FRMD4B: variants seen among roughly 807,000 people sequenced by gnomAD.
The protein encoded by FRMD4B is FERM domain containing 4B, also known as FERM domain-containing protein 4B.
In FRMD4B, 74 loss-of-function variants were observed where a neutral mutation model predicts 141.5. That is an observed-to-expected ratio of 0.52 (90% CI 0.43 to 0.63). The LOEUF is 0.63. Ranked by LOEUF, FRMD4B falls within the 30% of genes least tolerant of loss-of-function variation. The pLI is 0.00. For synonymous variants in FRMD4B, 506 were observed against 467.9 expected (o/e 1.08, Z -1.05); for missense variants, 1,366 against 1,253.4 (o/e 1.09, Z -1.36).
intron 22 of FRMD4B, among the ~76,000 whole-genome samples, chr3:69,174,344 TA>T (rs1277139590): frequency 6.6e-6 from 1 of 152,096 alleles, no homozygotes; most frequent in South Asian, 2.1e-4. Flanking sequence ...GTTAAGTTTT[TA>T]AAAAAATGGA....
At chr3:69,537,587 A>T (rs947437011) in intron 1 of FRMD4B, among the ~76,000 whole-genome samples, 4 of 152,224 alleles carry the variant, frequency 2.6e-5, no homozygotes, top group African/African-American at 4.8e-5. Context: ...GTTTTTAATC[A>T]ATATATCTGC....
intron 5 of FRMD4B, among the ~76,000 whole-genome samples, chr3:69,278,129 C>T (rs897373290): frequency 6.6e-6 from 1 of 152,190 alleles, no homozygotes; most frequent in African/African-American, 2.4e-5. Flanking sequence ...GCTGGGATTA[C>T]AGGCTTGAGC....
At chr3:69,441,772 T>C (rs1433211139) in intron 1 of FRMD4B, among the ~76,000 whole-genome samples, 2 of 152,186 alleles carry the variant, frequency 1.3e-5, no homozygotes, top group Non-Finnish European at 2.9e-5. Context: ...TCCTGTGTCC[T>C]CTTATATCAA....
chr3:69,229,938 T>G (rs530727082), intron 7 of FRMD4B, among the ~76,000 whole-genome samples: 1 of 151,772 alleles, frequency 6.6e-6, no homozygotes, highest in South Asian at 2.1e-4. Context: ...TCTCTTGACC[T>G]CATGATCAAG....
chr3:69,455,338 A>T (rs1390018040), intron 1 of FRMD4B, among the ~76,000 whole-genome samples: 1 of 152,222 alleles, frequency 6.6e-6, no homozygotes, highest in Non-Finnish European at 1.5e-5. Context: ...AAATTTTTGC[A>T]GTTGCTTGTT....
chr3:69,216,606 T>C (rs949225120), intron 10 of FRMD4B, among the ~76,000 whole-genome samples: 1 of 151,944 alleles, frequency 6.6e-6, no homozygotes, highest in Non-Finnish European at 1.5e-5. Flanking sequence ...AATTTTTTTG[T>C]ATTTTAGTAG....
In FRMD4B at chr3:69,311,370, A is replaced by T. The variant is rs1293711899; in HGVS notation, c.229-13T>A. On this transcript the variant is annotated splice_polypyrimidine_tract_variant and intron_variant, in intron 2 of 22. Transcript: ENST00000398540. ...CTAGAAGTTTGGGCTGTCAAAATAA[A>T]AATCTGGTTAGAAGCAATTTGGTTG... 4 of 1,491,148 alleles carry T rather than the reference A, an allele frequency of 2.7e-6. No individual in the cohort carries two copies. The African/African-American group carries it at 5.5e-5, about 21-fold the overall frequency. 92.4% of individuals were successfully genotyped at this position (1,491,148 alleles called of 1,614,324 possible).
chr3:69,218,335 TA>T lies in FRMD4B; in HGVS notation c.775del (p.Tyr259IlefsTer4). The T allele has an allele frequency of 1.3e-6, 2 of 1,504,656 alleles. No homozygotes were observed. Among genetic ancestry groups the T allele is most frequent in the Non-Finnish European group, 9.2e-7 (1 of 1,085,030 alleles). The allele number at this position is 1,504,656 out of a possible 1,614,324, so 93.2% of individuals were successfully genotyped here. A position where few individuals can be genotyped will look rare whatever the true frequency, so the allele number is the denominator to read the frequency against. ...VEALPTYGVH[Y>X]YAVKDKQGLP... is the part of the protein sequence containing the mutation. The stretch of plus-strand genomic sequence containing the variant: ...AAAATTACTTACCTTTACTGCATAA[TA>T]ATGGACACCGTAAGTCGGTAGAGCT... On this transcript the variant is annotated frameshift_variant, in exon 10 of 23. Coordinates refer to ENST00000398540, the MANE Select transcript of FRMD4B (RefSeq NM_015123.3). LOFTEE classifies it high-confidence loss of function.
rs118109015 is a variant in FRMD4B, at chr3:69,533,626, A to C, written c.-129+8580T>G. The stretch of plus-strand genomic sequence containing the variant: ...CATTCCATGCTGATTCTCTGCGTTA[A>C]TCAGATTGTTGCTGAAATCTCCACT... On this transcript the variant is annotated intron_variant, in intron 1 of 5. Transcript: ENST00000459638. Among the ~76,000 whole-genome samples, 4 of 152,294 alleles carry C rather than the reference A, an allele frequency of 2.6e-5. No individual in the cohort carries two copies. The East Asian group carries it at 7.7e-4, about 29-fold the overall frequency.
intron 5 of FRMD4B, among the ~76,000 whole-genome samples, chr3:69,251,919 A>G (rs906209762): frequency 6.6e-6 from 1 of 152,250 alleles, no homozygotes; most frequent in Non-Finnish European, 1.5e-5. Flanking sequence ...GAGGGCTAAC[A>G]GGAGAACTCA....
rs1167046802 is a variant in FRMD4B, at chr3:69,241,649, A to G, written c.581+7577T>C. Among the ~76,000 whole-genome samples, 4 of 152,176 alleles carry G rather than the reference A, an allele frequency of 2.6e-5. No individual in the cohort carries two copies. In the East Asian group the frequency reaches 7.7e-4, roughly 29 times the overall value. ...AGTCGCTCACACCTGTAATCCCAGC[A>G]CTCTTGGGAAGCCGAGGCTGACAGA... On this transcript the variant is annotated intron_variant, in intron 7 of 22. Coordinates refer to ENST00000398540, the MANE Select transcript of FRMD4B (RefSeq NM_015123.3).
Position 69,226,439 on chromosome 3 carries a change from T to C in FRMD4B, c.582-1749A>G, listed in dbSNP as rs201993919. On this transcript the variant is annotated intron_variant, in intron 7 of 22. Coordinates refer to ENST00000398540, the MANE Select transcript of FRMD4B (RefSeq NM_015123.3). ...TACCACATTTACTTTTTTTTTTTTTTCCAAACCTAAAACTGTCAGATACCT... is the reference window on the plus strand; with the variant it reads ...TACCACATTTACTTTTTTTTTTTTTCCCAAACCTAAAACTGTCAGATACCT... Among the ~76,000 whole-genome samples the C allele has an allele frequency of 1.7e-4, 24 of 143,008 alleles. No individual in the cohort carries two copies. In the East Asian group the frequency reaches 5.0e-3, roughly 30 times the overall value. The allele number at this position is 143,008 out of a possible 152,430, so 93.8% of individuals were successfully genotyped here.
chr3:69,539,960 C>A (rs777268325), intron 1 of FRMD4B, among the ~76,000 whole-genome samples: 2 of 152,000 alleles, frequency 1.3e-5, no homozygotes, highest in Non-Finnish European at 2.9e-5. Context: ...GAGGCTGAGG[C>A]GAGTGGTGGA....
intron 1 of FRMD4B, among the ~76,000 whole-genome samples, chr3:69,514,289 C>G (rs146036528): frequency 6.6e-6 from 1 of 152,046 alleles, no homozygotes; most frequent in East Asian, 1.9e-4. Context: ...ATTAGGGAAA[C>G]AATTTCATTT....
At chr3:69,407,712 G>A (rs1296307354) in intron 2 of FRMD4B, among the ~76,000 whole-genome samples, 2 of 152,222 alleles carry the variant, frequency 1.3e-5, no homozygotes, top group Non-Finnish European at 2.9e-5. Context: ...GCATTGCTTC[G>A]AGAAGGATTC....
intron 2 of FRMD4B, among the ~76,000 whole-genome samples, chr3:69,415,251 T>C (rs1704837962): frequency 6.6e-6 from 1 of 152,154 alleles, no homozygotes; most frequent in South Asian, 2.1e-4. Flanking sequence ...GGCAACAATA[T>C]GAGTGAATCC....
intron 1 of FRMD4B, among the ~76,000 whole-genome samples, chr3:69,473,638 A>G (rs9836039): frequency 0.02 from 3,024 of 152,220 alleles, 91 homozygotes; most frequent in African/African-American, 0.067. Context: ...TTTTGTGTCC[A>G]TTGAAGATTT....
chr3:69,267,672 GA>G (rs2093573919), intron 5 of FRMD4B, among the ~76,000 whole-genome samples: 1 of 131,004 alleles, frequency 7.6e-6, no homozygotes, highest in Admixed American at 8.6e-5. Context: ...GAGAGAGAGA[GA>G]GAGAGAGAGA....
chr3:69,222,026 G>A, intron 8 of FRMD4B, 103 bp from the exon 9 acceptor site: 1 of 704,076 alleles, frequency 1.4e-6, no homozygotes, highest in Non-Finnish European at 2.6e-6. Flanking sequence ...GAGAGAGAAA[G>A]CCTTCACCAA....
Sources: allele counts gnomAD v4.1 joint callset (sites outside exome capture counted in the v4.1 genomes callset), GRCh38; gene constraint gnomAD v4.1.1; transcripts MANE v1.5; gene names NCBI Gene and HGNC (gene_info 2026-07-23, HGNC 2026-07-21).